CHST15: variants seen among roughly 807,000 people sequenced by gnomAD.
CHST15 encodes the protein B cell RAG associated protein (GALNAC4S-6ST).
A neutral mutation model predicts 53.6 loss-of-function variants in CHST15; 30 were observed. The observed-to-expected ratio is 0.56, with a 90% CI of 0.42 to 0.76. The LOEUF (loss-of-function observed/expected upper bound fraction) is 0.76, where lower values mean the gene tolerates loss of function less well. Ranked by LOEUF, CHST15 falls within the 30% of genes least tolerant of loss-of-function variation. The pLI is 0.00. For synonymous variants in CHST15, 296 were observed against 289.8 expected (o/e 1.02, Z -0.22); for missense variants, 627 against 740.5 (o/e 0.85, Z 1.78).
intron 1 of CHST15, among the ~76,000 whole-genome samples, chr10:124,056,099 G>T (rs542452513): frequency 6.6e-6 from 1 of 152,272 alleles, no homozygotes; most frequent in South Asian, 2.1e-4. Context: ...GGGTCAAGAG[G>T]CCTCAGGAGC....
chr10:124,079,992 C>A (rs958229146), intron 1 of CHST15, among the ~76,000 whole-genome samples: 1 of 152,204 alleles, frequency 6.6e-6, no homozygotes, highest in Non-Finnish European at 1.5e-5. Context: ...AGACGTACCC[C>A]CTCAAGCATG....
chr10:124,029,915 G>A lies in CHST15; in HGVS notation c.1191-8503C>T, dbSNP rs112443236. 2.7e-3 allele frequency among the ~76,000 whole-genome samples: 416 copies of A among 152,282 alleles called. 2 individuals carry two copies. The highest frequency in any genetic ancestry group is 9.6e-3 in the African/African-American group (401 of 41,558). ...GTGCCCTCCCTGATCCCAGCCCAGC[G>A]GGCACACATCTCACCTTAGGATCTC... On this transcript the variant is annotated intron_variant, in intron 5 of 7. Coordinates refer to ENST00000435907, the MANE Select transcript of CHST15 (RefSeq NM_001270764.2).
rs376174591 is a variant in CHST15 at position 124,008,344 on chromosome 10, T to TACAC, written c.*1801_*1804dup. On this transcript the variant is annotated 3_prime_UTR_variant, in exon 8 of 8. Coordinates refer to ENST00000435907, the MANE Select transcript of CHST15 (RefSeq NM_001270764.2). ...AGACGCACTCACCCACACGTGCGCG[T>TACAC]ACACACACACACACGCGCGCACTGT... 61 of 1,054,568 alleles carry TACAC rather than the reference T, an allele frequency of 5.8e-5. No individual in the cohort carries two copies. In the African/African-American group the frequency reaches 7.9e-4, roughly 14 times the overall value. 65.3% of individuals were successfully genotyped at this position (1,054,568 alleles called of 1,614,324 possible). A position where few individuals can be genotyped will look rare whatever the true frequency, so the allele number is the denominator to read the frequency against.
chr10:124,027,416 G>A (rs1199197360), intron 5 of CHST15, among the ~76,000 whole-genome samples: 1 of 152,042 alleles, frequency 6.6e-6, no homozygotes, highest in African/African-American at 2.4e-5. Flanking sequence ...CAAGACCACT[G>A]CTGGATTCAT....
rs761487211 is a variant in CHST15, at chr10:124,045,904, T to C, written c.309A>G (p.Gln103=). 5 of 1,613,986 alleles carry C rather than the reference T, an allele frequency of 3.1e-6. No individual in the cohort carries two copies. Among genetic ancestry groups the C allele is most frequent in the Non-Finnish European group, 3.4e-6 (4 of 1,180,004 alleles). Reference sequence around the variant, plus strand: ...GGAAAGGTGATGAGATCAGAAGCTCTTGGTGGGCCCCAGAAAGGATGTAAG... The same window carrying C: ...GGAAAGGTGATGAGATCAGAAGCTCCTGGTGGGCCCCAGAAAGGATGTAAG... ...MASYILSGAH[Q]ELLISSPFHY... Residue 103 remains glutamine (Q), a synonymous_variant, in exon 2 of 8, where the codon CAA becomes CAG. Coordinates refer to ENST00000435907, the MANE Select transcript of CHST15 (RefSeq NM_001270764.2).
intron 1 of CHST15, among the ~76,000 whole-genome samples, chr10:124,080,786 T>C (rs1949208658): frequency 6.6e-6 from 1 of 152,238 alleles, no homozygotes; most frequent in South Asian, 2.1e-4. Flanking sequence ...TCACCATCCC[T>C]GCACTATGGG....
intron 1 of CHST15, among the ~76,000 whole-genome samples, chr10:124,052,962 G>C (rs952800751): frequency 6.6e-6 from 1 of 152,118 alleles, no homozygotes; most frequent in African/African-American, 2.4e-5. Context: ...GAATCCAGGA[G>C]GCAGAGGTTG....
intron 5 of CHST15, among the ~76,000 whole-genome samples, chr10:124,030,539 A>G (rs768380295): frequency 3.9e-5 from 6 of 152,208 alleles, no homozygotes; most frequent in Non-Finnish European, 7.3e-5. Flanking sequence ...CAACCTCTAC[A>G]TCCCCACGGC....
At chr10:124,067,409 T>C (rs1948781429) in intron 1 of CHST15, among the ~76,000 whole-genome samples, 1 of 152,212 alleles carries the variant, frequency 6.6e-6, no homozygotes, top group Non-Finnish European at 1.5e-5. Flanking sequence ...AGATCCAAAC[T>C]GAGGCACTTG....
intron 5 of CHST15, among the ~76,000 whole-genome samples, chr10:124,030,872 G>C (rs1458126704): frequency 6.6e-6 from 1 of 152,250 alleles, no homozygotes; most frequent in Admixed American, 6.5e-5. Flanking sequence ...ATCCGGCTCA[G>C]CTCCCTTCTG....
intron 7 of CHST15, chr10:124,011,704 C>T: frequency 5.1e-6 from 5 of 985,454 alleles, no homozygotes; most frequent in Non-Finnish European, 6.0e-6. Flanking sequence ...GACTCTCAGG[C>T]CCCTGGGGGG....
intron 1 of CHST15, among the ~76,000 whole-genome samples, chr10:124,083,195 A>G (rs2134225857): frequency 1.3e-5 from 2 of 152,324 alleles, no homozygotes; most frequent in Middle Eastern, 6.8e-3. Flanking sequence ...AAAGATACAC[A>G]TGCATGTCCT....
At chr10:124,022,696 C>T (rs377573876) in intron 5 of CHST15, among the ~76,000 whole-genome samples, 22 of 152,204 alleles carry the variant, frequency 1.4e-4, no homozygotes, top group African/African-American at 5.3e-4. Context: ...CCTGGCCTGT[C>T]TCCAGCAAGA....
chr10:124,029,270 G>A (rs1409570825), intron 5 of CHST15, among the ~76,000 whole-genome samples: 1 of 152,236 alleles, frequency 6.6e-6, no homozygotes, highest in Non-Finnish European at 1.5e-5. Flanking sequence ...GGCTGGATGA[G>A]ACAGGACTGG....
At chr10:124,029,719 C>T (rs146957712) in intron 5 of CHST15, among the ~76,000 whole-genome samples, 7 of 152,354 alleles carry the variant, frequency 4.6e-5, no homozygotes, top group African/African-American at 7.2e-5. Flanking sequence ...TAAAGCCAGG[C>T]GCAGGGTGTG....
intron 1 of CHST15, among the ~76,000 whole-genome samples, chr10:124,047,159 T>A (rs1347675236): frequency 6.6e-6 from 1 of 152,204 alleles, no homozygotes; most frequent in Non-Finnish European, 1.5e-5. Context: ...ATCTCAAGAA[T>A]ACTAAGGAGG....
chr10:124,092,320 T>G (rs897631653), intron 1 of CHST15: 4 of 152,442 alleles, frequency 2.6e-5, no homozygotes, highest in African/African-American at 4.8e-5. Context: ...GCCTCTGGCC[T>G]CACCGCGCGG....
chr10:124,080,939 A>T (rs1949212649), intron 1 of CHST15, among the ~76,000 whole-genome samples: 1 of 152,236 alleles, frequency 6.6e-6, no homozygotes, highest in Non-Finnish European at 1.5e-5. Flanking sequence ...CTGAAGGAAC[A>T]GATAACCTTC....
chr10:124,049,700 C>T (rs191001647), intron 1 of CHST15, among the ~76,000 whole-genome samples: 19 of 152,342 alleles, frequency 1.2e-4, no homozygotes, highest in Non-Finnish European at 2.5e-4. Context: ...GTCTCATCTG[C>T]TGGCTGTTTC....
Sources: allele counts gnomAD v4.1 joint callset (sites outside exome capture counted in the v4.1 genomes callset), GRCh38; gene constraint gnomAD v4.1.1; transcripts MANE v1.5; gene names NCBI Gene and HGNC (gene_info 2026-07-23, HGNC 2026-07-21).